Variants in PDGFRL observed in about 807,000 individuals in gnomAD.
PDGFRL encodes platelet derived growth factor receptor like.
In PDGFRL, 46 loss-of-function variants were observed where a neutral mutation model predicts 37.2. The observed-to-expected ratio is 1.24, with a 90% CI of 0.98 to 1.58. The LOEUF (loss-of-function observed/expected upper bound fraction) is 1.58. Ranked by LOEUF, PDGFRL falls within the 40% of genes most tolerant of loss-of-function variation. The pLI, the probability that PDGFRL is intolerant of heterozygous loss-of-function variation, is 0.00. For missense variants in PDGFRL, 692 were observed against 467.6 expected, an observed-to-expected ratio of 1.48 and a Z score of -4.43; for synonymous variants, 251 against 184.3, an observed-to-expected ratio of 1.36 and a Z score of -2.93.
chr8:17,617,565 G>A (rs1158400524), intron 2 of PDGFRL, among the ~76,000 whole-genome samples: 3 of 152,130 alleles, frequency 2.0e-5, no homozygotes, highest in Non-Finnish European at 2.9e-5. Flanking sequence ...CCTAGACGAT[G>A]AGATACCATT....
intron 2 of PDGFRL, among the ~76,000 whole-genome samples, chr8:17,604,203 A>C (rs1804225238): frequency 6.6e-6 from 1 of 152,186 alleles, no homozygotes; most frequent in Non-Finnish European, 1.5e-5. Context: ...TAGAACTAGA[A>C]ATACCATTTG....
At chr8:17,594,535 C>G (rs1172100906) in intron 2 of PDGFRL, among the ~76,000 whole-genome samples, 1 of 150,440 alleles carries the variant, frequency 6.6e-6, no homozygotes, top group African/African-American at 2.5e-5. Flanking sequence ...AGCCACCATG[C>G]CTGGCCTATA....
intron 2 of PDGFRL, among the ~76,000 whole-genome samples, chr8:17,614,021 T>C (rs1323594727): frequency 6.6e-6 from 1 of 152,194 alleles, no homozygotes. Context: ...GTTCCTTGGA[T>C]AGTATGCAAA....
intron 5 of PDGFRL, among the ~76,000 whole-genome samples, chr8:17,634,484 T>C (rs1266499514): frequency 6.6e-6 from 1 of 151,878 alleles, no homozygotes; most frequent in Non-Finnish European, 1.5e-5. Flanking sequence ...TATGCAGGTT[T>C]TTTTTTTTTT....
At chr8:17,591,615 G>T (rs1264052744) in intron 2 of PDGFRL, among the ~76,000 whole-genome samples, 2 of 152,194 alleles carry the variant, frequency 1.3e-5, no homozygotes, top group Non-Finnish European at 2.9e-5. Flanking sequence ...AAGAATGGGA[G>T]AAAGAAAGCC....
rs576997415 is a variant in PDGFRL at position 17,583,081 on chromosome 8, C to T, written c.55+5774C>T. On this transcript the variant is annotated intron_variant, in intron 1 of 5. Transcript: ENST00000251630. ...AGTTATAAATAAACCTTGGAGGCTT[C>T]CACATGTTGTCAAGTCTGCATATTC... Among the ~76,000 whole-genome samples, 98 of 152,258 alleles carry T rather than the reference C, an allele frequency of 6.4e-4. 4 individuals carry two copies. The South Asian group carries it at 0.02, about 31-fold the overall frequency.
chr8:17,624,588 T>C (rs1036766045), intron 3 of PDGFRL, among the ~76,000 whole-genome samples: 4 of 152,188 alleles, frequency 2.6e-5, no homozygotes, highest in African/African-American at 9.7e-5. Flanking sequence ...GCTCTAATTT[T>C]TATACGTAGG....
At chr8:17,587,155 C>T (rs3862077) in intron 1 of PDGFRL, among the ~76,000 whole-genome samples, 16,812 of 152,178 alleles carry the variant, frequency 0.11, 953 homozygotes, top group East Asian at 0.13. Flanking sequence ...TGCCATCAAA[C>T]CACAGGCCAA....
intron 4 of PDGFRL, among the ~76,000 whole-genome samples, chr8:17,630,952 C>T (rs895494639): frequency 6.6e-6 from 1 of 152,092 alleles, no homozygotes; most frequent in South Asian, 2.1e-4. Context: ...GCCTGGAGTC[C>T]TGACATCTCT....
chr8:17,625,976 C>T (rs975367908), intron 3 of PDGFRL, among the ~76,000 whole-genome samples: 1 of 152,226 alleles, frequency 6.6e-6, no homozygotes, highest in Non-Finnish European at 1.5e-5. Flanking sequence ...GCCTGGGCAA[C>T]AGCGTGAGAC....
In PDGFRL at chr8:17,577,217, C is replaced by T. The variant is rs200645174; in HGVS notation, c.-36C>T. 3.4e-4 allele frequency: 542 copies of T among 1,603,764 alleles called. 8 individuals are homozygous for T. In the Admixed American group the frequency reaches 9.1e-3, roughly 27 times the overall value. ...CCTGCGTCCCCGCCCCGCGCAGCCG[C>T]CGCGCTCCTGCGCTCCGAGGTCCGA... On this transcript the variant is annotated 5_prime_UTR_variant, in exon 1 of 6. Coordinates refer to ENST00000251630, the MANE Select transcript of PDGFRL (RefSeq NM_001372073.1).
At chr8:17,596,207 A>C in intron 2 of PDGFRL, 1 of 470,316 alleles carries the variant, frequency 2.1e-6, no homozygotes, top group Non-Finnish European at 3.4e-6. Context: ...AAGGCCGTCC[A>C]CTGAGCCCCG....
At position 17,637,511 on chromosome 8, in the gene PDGFRL, C is replaced by T. The variant is rs188402629; in HGVS notation, c.939+3298C>T. Among the ~76,000 whole-genome samples the T allele has an allele frequency of 3.0e-3, 450 of 152,144 alleles. 3 individuals carry two copies. The highest frequency in any genetic ancestry group is 0.01 in the African/African-American group (433 of 41,526). ...GATTTTTGCATCTATATTCATCAAACATGTTGGTCTATAGTTTTCTCTTTT... is the reference window on the plus strand; with the variant it reads ...GATTTTTGCATCTATATTCATCAAATATGTTGGTCTATAGTTTTCTCTTTT... On this transcript the variant is annotated intron_variant, in intron 5 of 5. Coordinates refer to ENST00000251630, the MANE Select transcript of PDGFRL (RefSeq NM_001372073.1).
At chr8:17,598,492 TTA>T (rs1804099585) in intron 2 of PDGFRL, among the ~76,000 whole-genome samples, 1 of 152,184 alleles carries the variant, frequency 6.6e-6, no homozygotes, top group Non-Finnish European at 1.5e-5. Context: ...CCACAGGGGT[TTA>T]GGCCGCATGT....
intron 2 of PDGFRL, among the ~76,000 whole-genome samples, chr8:17,612,604 C>G (rs1804444189): frequency 6.6e-6 from 1 of 152,192 alleles, no homozygotes; most frequent in South Asian, 2.1e-4. Flanking sequence ...CTCCTGACCT[C>G]AGGTGATCCA....
chr8:17,619,716 G>A (rs1164083362), intron 2 of PDGFRL, among the ~76,000 whole-genome samples: 1 of 152,180 alleles, frequency 6.6e-6, no homozygotes, highest in Non-Finnish European at 1.5e-5. Flanking sequence ...AATGCTGTGT[G>A]CTTTCATTTA....
intron 5 of PDGFRL, among the ~76,000 whole-genome samples, chr8:17,636,012 T>A (rs1385775776): frequency 6.6e-6 from 1 of 152,226 alleles, no homozygotes; most frequent in African/African-American, 2.4e-5. Context: ...AGATTCTGGG[T>A]GTTAGTCCTT....
intron 1 of PDGFRL, among the ~76,000 whole-genome samples, chr8:17,579,737 T>C (rs1032218079): frequency 6.6e-6 from 1 of 152,004 alleles, no homozygotes. Flanking sequence ...GGTGAACATC[T>C]GGCCTGTGAC....
At chr8:17,630,477 G>T (rs374007169) in intron 4 of PDGFRL, among the ~76,000 whole-genome samples, 1 of 152,166 alleles carries the variant, frequency 6.6e-6, no homozygotes, top group African/African-American at 2.4e-5. Context: ...GGCTTGCTGG[G>T]TGAGTAAGAC....
Sources: allele counts gnomAD v4.1 joint callset (sites outside exome capture counted in the v4.1 genomes callset), GRCh38; gene constraint gnomAD v4.1.1; transcripts MANE v1.5; gene names NCBI Gene and HGNC (gene_info 2026-07-23, HGNC 2026-07-21).